Variants in GBF1 observed in about 807,000 individuals in gnomAD.
GBF1 encodes the protein Golgi-specific brefeldin A-resistance guanine nucleotide exchange factor 1.
A neutral mutation model predicts 210.5 loss-of-function variants in GBF1; 114 were observed. The observed-to-expected ratio is 0.54, with a 90% confidence interval of 0.47 to 0.63. The LOEUF is 0.63. Among genes scored for constraint, GBF1 ranks in the 30% least tolerant of loss-of-function variants. The probability of loss-of-function intolerance (pLI) is 0.00; values close to 1 mark genes in which losing one functional copy is unlikely to be tolerated. For synonymous variants in GBF1, 850 were observed against 889.2 expected (o/e 0.96, Z 0.78); for missense variants, 1,851 against 2,357.7 (o/e 0.79, Z 4.45).
Position 102,258,918 on chromosome 10 carries a change from T to A in GBF1, c.-10-11T>A. 7.4e-7 allele frequency: 1 copy of A among 1,347,054 alleles called. No homozygotes were observed. The highest frequency in any genetic ancestry group is 1.1e-6 in the Non-Finnish European group (1 of 935,986). The allele number at this position is 1,347,054 out of a possible 1,614,324, so 83.4% of individuals were successfully genotyped here. A position where few individuals can be genotyped will look rare whatever the true frequency, so the allele number is the denominator to read the frequency against. ...ATATTAACCAGACTATTATCTTAAC[T>A]GTTTTGGTAGGTTTGCCAAGATGGT... On this transcript the variant is annotated splice_polypyrimidine_tract_variant and intron_variant, in intron 1 of 39. Transcript: ENST00000369983.
Position 102,366,299 on chromosome 10 carries a change from G to A in GBF1, c.2310-84G>A. On this transcript the variant is annotated intron_variant, in intron 18 of 39. Coordinates refer to ENST00000369983, the MANE Select transcript of GBF1 (RefSeq NM_001377137.1). This position sits in a 1 kb window ranked among gnomAD's most constrained non-coding sequence, Gnocchi z 4.0. ...CTCAGCCTCCTCTCTTCCAGTAAGA[G>A]TAGGTTAGGAGGACAGTGACTAAAA... is the stretch of plus-strand genomic sequence containing the variant. 6.9e-7 allele frequency: 1 copy of A among 1,459,406 alleles called. No individual in the cohort carries two copies. The highest frequency in any genetic ancestry group is 9.5e-7 in the Non-Finnish European group (1 of 1,047,772). 90.4% of individuals were successfully genotyped at this position (1,459,406 alleles called of 1,614,324 possible).
rs2060168066 is a variant in GBF1, at chr10:102,370,848, G to A, written c.3648G>A (p.Glu1216=). The A allele has an allele frequency of 6.2e-7, 1 of 1,614,134 alleles. No homozygotes were observed. The highest frequency in any genetic ancestry group is 8.5e-7 in the Non-Finnish European group (1 of 1,179,970). Residue 1216 remains glutamate (E), a synonymous_variant, in exon 29 of 40, where the codon GAG becomes GAA. Coordinates refer to ENST00000369983, the MANE Select transcript of GBF1 (RefSeq NM_001377137.1). ...CCATTCGGCTTCTCCGGAGAGAAGA[G>A]ATCAGTGCTCAGGTAAGCAGAATGC... is the stretch of plus-strand genomic sequence containing the variant. ...RLAIRLLRRE[E]ISAQVLLSLR...
chr10:102,358,070 C>T lies in GBF1; in HGVS notation c.671C>T (p.Ser224Leu), dbSNP rs1309506143. The T allele has an allele frequency of 6.2e-7, 1 of 1,609,068 alleles. No individual in the cohort carries two copies. Among genetic ancestry groups the T allele is most frequent in the African/African-American group, 1.3e-5 (1 of 74,940 alleles). Residue 224 changes from serine to leucine, a missense_variant, in exon 9 of 40, where the codon TCA becomes TTA. Physicochemically the swap from Ser to Leu is moderately radical, Grantham distance 145 (BLOSUM62 -2). Around this residue, in one of 3 missense-constraint regions of GBF1, gnomAD observed 804 missense variants for 958.6 expected, o/e 0.84. Coordinates refer to ENST00000369983, the MANE Select transcript of GBF1 (RefSeq NM_001377137.1). ...ATGAGAGCCGGAGGCATGAGTGATT[C>T]ATCCAAATGGAAGAAACAGAAGAGA... ...LKMRAGGMSD[S>L]SKWKKQKRSP...
chr10:102,370,405 G>C lies in GBF1; in HGVS notation c.3433G>C (p.Asp1145His), dbSNP rs1210799147. 1 of 1,612,528 alleles carries C rather than the reference G, an allele frequency of 6.2e-7. No individual in the cohort carries two copies. The highest frequency in any genetic ancestry group is 1.3e-5 in the African/African-American group (1 of 74,906). The change falls in exon 28 of 40, where the codon GAT becomes CAT. Residue 1145 changes from aspartate (D) to histidine (H), a missense_variant. Coordinates refer to ENST00000369983, the MANE Select transcript of GBF1 (RefSeq NM_001377137.1). Reference protein sequence around the residue: ...LMKALVSVTPDEETYDEEDAA... With the variant: ...LMKALVSVTPHEETYDEEDAA... ...TCAGGCTCTGGTCTCAGTGACACCA[G>C]ATGAAGAGACATATGATGAGGAAGA... is the stretch of plus-strand genomic sequence containing the variant.
intron 17 of GBF1, among the ~76,000 whole-genome samples, chr10:102,364,273 G>A (rs1223193847): frequency 1.6e-5 from 2 of 123,094 alleles, no homozygotes; most frequent in Non-Finnish European, 3.2e-5. Flanking sequence ...TGCCTAGGCT[G>A]GAGTGCAGTG....
chr10:102,360,402 C>T lies in GBF1; in HGVS notation c.1392+7C>T, dbSNP rs202060552. The T allele has an allele frequency of 2.5e-6, 4 of 1,584,300 alleles. No homozygotes were observed. The East Asian group carries it at 8.9e-5, about 35-fold the overall frequency. On this transcript the variant is annotated splice_region_variant and intron_variant, in intron 12 of 39. Transcript: ENST00000369983. The stretch of plus-strand genomic sequence containing the variant: ...GTGCCGTCACTTATTCCAGGTAAGA[C>T]AAGATTGCTAGAGGGTCTCAGAGCC...
intron 3 of GBF1, among the ~76,000 whole-genome samples, chr10:102,299,835 C>T (rs1018912518): frequency 1.3e-5 from 2 of 152,162 alleles, no homozygotes; most frequent in African/African-American, 4.8e-5. Flanking sequence ...AAAACCTACA[C>T]ATACCTGTGT....
intron 3 of GBF1, among the ~76,000 whole-genome samples, chr10:102,303,695 G>A (rs1003515227): frequency 6.6e-5 from 10 of 152,182 alleles, no homozygotes; most frequent in Non-Finnish European, 1.5e-5. Flanking sequence ...CATTAAAATT[G>A]TGAAGGACTT....
intron 3 of GBF1, among the ~76,000 whole-genome samples, chr10:102,305,269 A>G (rs961002017): frequency 1.3e-5 from 2 of 151,834 alleles, no homozygotes; most frequent in Non-Finnish European, 2.9e-5. Flanking sequence ...TAATATTAAG[A>G]GGTACCACTG....
At chr10:102,288,734 AAC>A (rs1260707150) in intron 3 of GBF1, among the ~76,000 whole-genome samples, 8 of 145,988 alleles carry the variant, frequency 5.5e-5, no homozygotes, top group South Asian at 2.2e-4. Context: ...AAAAAAAAAA[AAC>A]AAAAAAAAAA....
chr10:102,323,022 A>G (rs1386604323), intron 3 of GBF1, among the ~76,000 whole-genome samples: 3 of 152,030 alleles, frequency 2.0e-5, no homozygotes, highest in Admixed American at 6.6e-5. Flanking sequence ...CAACCATTTT[A>G]TTGTATCACA....
At chr10:102,257,341 C>T (rs2072551294) in intron 1 of GBF1, among the ~76,000 whole-genome samples, 1 of 152,112 alleles carries the variant, frequency 6.6e-6, no homozygotes, top group East Asian at 1.9e-4. Context: ...TAGTGTCTTG[C>T]TCTGTGACCC....
chr10:102,319,432 T>G (rs2056179260), intron 3 of GBF1, among the ~76,000 whole-genome samples: 1 of 152,254 alleles, frequency 6.6e-6, no homozygotes, highest in East Asian at 1.9e-4. Context: ...TTTCCCTTCC[T>G]TTTGAAAATA....
At chr10:102,324,773 A>G (rs1427386030) in intron 3 of GBF1, among the ~76,000 whole-genome samples, 1 of 152,008 alleles carries the variant, frequency 6.6e-6, no homozygotes, top group Non-Finnish European at 1.5e-5. Context: ...TTTTTAGTAA[A>G]GACAGGGTTT....
chr10:102,362,018 G>A, intron 14 of GBF1, 106 bp downstream of exon 14: 1 of 504,360 alleles, frequency 2.0e-6, no homozygotes, highest in Non-Finnish European at 3.4e-6. Flanking sequence ...TTGAGAGCTG[G>A]GAAATAGAAG....
At position 102,380,286 on chromosome 10, in the gene GBF1, C is replaced by T. The variant is rs773123613; in HGVS notation, c.4916C>T (p.Ser1639Phe). 4.3e-6 allele frequency: 7 copies of T among 1,614,048 alleles called. No individual in the cohort carries two copies. The East Asian group carries it at 1.3e-4, about 31-fold the overall frequency. ...LQHLSPLLSL[S>F]TFAALWLTIL... ...CACCTGTCTCCACTGCTGTCACTCT[C>T]TACCTTTGCGGCCCTCTGGCTCACC... Residue 1639 changes from serine (S) to phenylalanine (F), a missense_variant, in exon 37 of 40, where the codon TCT (serine) becomes TTT (phenylalanine). By Grantham distance (155) the Ser-to-Phe change is radical. Around this residue, in one of 3 missense-constraint regions of GBF1, gnomAD observed 967 missense variants for 1,247.7 expected, o/e 0.78. Transcript: ENST00000369983.
intron 9 of GBF1, 130 bp downstream of exon 9, chr10:102,358,316 C>A: frequency 1.1e-6 from 1 of 906,376 alleles, no homozygotes. Flanking sequence ...AGGGAAACTC[C>A]AGGTCAAATC....
intron 3 of GBF1, among the ~76,000 whole-genome samples, chr10:102,265,498 C>G (rs1326676540): frequency 6.6e-6 from 1 of 151,892 alleles, no homozygotes; most frequent in African/African-American, 2.4e-5. Flanking sequence ...GGCAACATAC[C>G]AAGATTCCCC....
intron 3 of GBF1, among the ~76,000 whole-genome samples, chr10:102,279,240 C>T (rs749123486): frequency 2.6e-5 from 4 of 152,178 alleles, no homozygotes; most frequent in Non-Finnish European, 4.4e-5. Flanking sequence ...CTCAATGAGG[C>T]TTGACTTGGA....
Sources: allele counts gnomAD v4.1 joint callset (sites outside exome capture counted in the v4.1 genomes callset), GRCh38; gene constraint gnomAD v4.1.1; regional missense constraint gnomAD v4.1.1; non-coding constraint Gnocchi (gnomAD v3.1); transcripts MANE v1.5; gene names NCBI Gene and HGNC (gene_info 2026-07-23, HGNC 2026-07-21).